The following RANBP3L variants were observed in gnomAD, a reference collection of about 807,000 sequenced individuals.
RANBP3L encodes RAN binding protein 3 like, also known as ran-binding protein 3-like.
RANBP3L carries 56 observed loss-of-function variants against 67.2 expected under a neutral mutation model. The observed-to-expected ratio is 0.83, with a 90% confidence interval of 0.67 to 1.04. RANBP3L has a LOEUF of 1.04. RANBP3L is among the 50% of genes least tolerant of loss of function. RANBP3L has a pLI of 0.00. For missense variants in RANBP3L, 496 were observed against 535.5 expected (o/e 0.93, Z 0.73); for synonymous variants, 164 against 181.4 (o/e 0.90, Z 0.77).
At position 36,270,208 on chromosome 5, in the gene RANBP3L, G is replaced by A. The variant is rs570163227; in HGVS notation, c.151-218C>T. 2.0e-5 allele frequency among the ~76,000 whole-genome samples: 3 copies of A among 152,256 alleles called. No individual in the cohort carries two copies. The East Asian group carries it at 5.8e-4, about 29-fold the overall frequency. ...AGGACAAAGCAGTTCACCTTCCTTT[G>A]TTCAGCACATAGTCAAGAAAAAACA... On this transcript the variant is annotated intron_variant, in intron 2 of 13. Transcript: ENST00000296604.
chr5:36,263,072 A>G (rs1377798358), intron 6 of RANBP3L, among the ~76,000 whole-genome samples: 9 of 152,186 alleles, frequency 5.9e-5, no homozygotes, highest in Non-Finnish European at 1.0e-4. Context: ...TTTTCACAAA[A>G]TCTTTAAATT....
rs12654720 is a variant in RANBP3L at position 36,265,158 on chromosome 5, A to G, written c.341-60T>C. On this transcript the variant is annotated intron_variant, in intron 5 of 13. Coordinates refer to ENST00000296604, the MANE Select transcript of RANBP3L (RefSeq NM_145000.5). Reference sequence around the variant, plus strand: ...TTACTGAAATATTCCTTTACTCCCTATTTTTAATTAATATAATTCTTATTT... The same window carrying G: ...TTACTGAAATATTCCTTTACTCCCTGTTTTTAATTAATATAATTCTTATTT... 9,594 of 1,029,024 alleles carry G rather than the reference A, an allele frequency of 9.3e-3. 695 individuals carry two copies. The East Asian group carries it at 0.17, about 19-fold the overall frequency. 63.7% of individuals were successfully genotyped at this position (1,029,024 alleles called of 1,614,324 possible). A position where few individuals can be genotyped will look rare whatever the true frequency, so the allele number is the denominator to read the frequency against.
chr5:36,299,871 C>T (rs921763095), intron 1 of RANBP3L, among the ~76,000 whole-genome samples: 8 of 152,128 alleles, frequency 5.3e-5, no homozygotes, highest in African/African-American at 1.7e-4. Context: ...GTTTACAAAA[C>T]ACTGTTTACA....
At chr5:36,295,393 A>G (rs1467790887) in intron 1 of RANBP3L, among the ~76,000 whole-genome samples, 1 of 151,824 alleles carries the variant, frequency 6.6e-6, no homozygotes, top group African/African-American at 2.4e-5. Flanking sequence ...TTTGCTCGTC[A>G]CTTCTCCTTC....
intron 1 of RANBP3L, among the ~76,000 whole-genome samples, chr5:36,294,192 G>T (rs989084097): frequency 1.8e-4 from 27 of 152,200 alleles, no homozygotes; most frequent in African/African-American, 6.3e-4. Context: ...TTTGCGTAGA[G>T]GTGTTTGTAG....
chr5:36,263,545 G>C (rs891857411), intron 6 of RANBP3L, among the ~76,000 whole-genome samples: 3 of 152,030 alleles, frequency 2.0e-5, no homozygotes, highest in Non-Finnish European at 4.4e-5. Context: ...TTTAAAACAA[G>C]TTAAACACCA....
chr5:36,296,082 C>T (rs984946391), intron 1 of RANBP3L, among the ~76,000 whole-genome samples: 6 of 152,164 alleles, frequency 3.9e-5, no homozygotes, highest in African/African-American at 1.4e-4. Context: ...GGCTCCTGTG[C>T]TCATGACCCT....
At position 36,275,558 on chromosome 5, in the gene RANBP3L, C is replaced by T. The variant is rs114781027; in HGVS notation, c.92-4247G>A. Among the ~76,000 whole-genome samples the T allele has an allele frequency of 4.7e-3, 709 of 152,118 alleles. 2 individuals carry two copies. The highest frequency in any genetic ancestry group is 7.3e-3 in the Non-Finnish European group (499 of 67,986). On this transcript the variant is annotated intron_variant, in intron 1 of 13. Coordinates refer to ENST00000296604, the MANE Select transcript of RANBP3L (RefSeq NM_145000.5). ...TTTGTCAAAGTTGATTGACCATACA[C>T]GTGAACTTCGACTCCCTCCTTAAAT... is the stretch of plus-strand genomic sequence containing the variant.
intron 1 of RANBP3L, among the ~76,000 whole-genome samples, chr5:36,284,072 C>T (rs2112037881): frequency 6.6e-6 from 1 of 152,252 alleles, no homozygotes; most frequent in Middle Eastern, 3.4e-3. Context: ...CAACCTCCAC[C>T]TCCCGGATTC....
chr5:36,288,891 T>A (rs1335181116), intron 1 of RANBP3L, among the ~76,000 whole-genome samples: 2 of 152,112 alleles, frequency 1.3e-5, no homozygotes, highest in Non-Finnish European at 1.5e-5. Context: ...GACATTTTTC[T>A]CCCAGTCTTT....
chr5:36,295,659 A>G (rs540042028), intron 1 of RANBP3L, among the ~76,000 whole-genome samples: 1 of 135,392 alleles, frequency 7.4e-6, no homozygotes, highest in East Asian at 2.1e-4. Flanking sequence ...TCTCACCAAC[A>G]TTTGTTATAT....
intron 2 of RANBP3L, 126 bp from the exon 3 acceptor site, chr5:36,270,116 T>C (rs1750104723): frequency 1.3e-6 from 1 of 788,210 alleles, no homozygotes; most frequent in East Asian, 2.5e-5. Context: ...TGCACCAACC[T>C]AGTACATCAG....
chr5:36,286,989 A>C (rs1751370599), intron 1 of RANBP3L, among the ~76,000 whole-genome samples: 1 of 152,026 alleles, frequency 6.6e-6, no homozygotes, highest in Admixed American at 6.5e-5. Context: ...CATTTACACC[A>C]TTGAGCCCCA....
At chr5:36,281,423 A>G (rs1750962077) in intron 1 of RANBP3L, among the ~76,000 whole-genome samples, 1 of 152,208 alleles carries the variant, frequency 6.6e-6, no homozygotes, top group African/African-American at 2.4e-5. Context: ...GGTCACACAG[A>G]TAATTCTTAG....
At chr5:36,264,845 C>T in intron 6 of RANBP3L, 114 bp downstream of exon 6, 2 of 897,642 alleles carry the variant, frequency 2.2e-6, no homozygotes, top group South Asian at 3.4e-5. Flanking sequence ...CTATCTAGCC[C>T]AACAACAAAA....
intron 1 of RANBP3L, among the ~76,000 whole-genome samples, chr5:36,278,760 A>G (rs768694073): frequency 7.2e-5 from 11 of 152,208 alleles, no homozygotes; most frequent in Admixed American, 2.0e-4. Flanking sequence ...AAATGTCAAT[A>G]TTGATATTGA....
At chr5:36,282,547 A>G (rs1751040643) in intron 1 of RANBP3L, among the ~76,000 whole-genome samples, 1 of 152,208 alleles carries the variant, frequency 6.6e-6, no homozygotes. Context: ...GGCCGGATGG[A>G]GAAGCTTGAT....
At chr5:36,289,365 A>G (rs995049576) in intron 1 of RANBP3L, among the ~76,000 whole-genome samples, 9 of 152,124 alleles carry the variant, frequency 5.9e-5, no homozygotes, top group African/African-American at 2.2e-4. Flanking sequence ...TTCAAGATTG[A>G]TTTAGTTATT....
chr5:36,295,280 C>G (rs1050545248), intron 1 of RANBP3L, among the ~76,000 whole-genome samples: 2 of 152,030 alleles, frequency 1.3e-5, no homozygotes, highest in Admixed American at 6.6e-5. Flanking sequence ...ATGGGAGGGA[C>G]CCAGTGGGAG....
Sources: allele counts gnomAD v4.1 joint callset (sites outside exome capture counted in the v4.1 genomes callset), GRCh38; gene constraint gnomAD v4.1.1; transcripts MANE v1.5; gene names NCBI Gene and HGNC (gene_info 2026-07-23, HGNC 2026-07-21).